Variants in FRMD5 observed in about 807,000 individuals in gnomAD.
FRMD5 encodes the protein FERM domain-containing protein 5.
Under a neutral mutation model 69.0 loss-of-function variants are expected in FRMD5, and 20 were observed. The ratio of observed to expected loss-of-function variants is 0.29; its 90% CI spans 0.20 to 0.42. The LOEUF (loss-of-function observed/expected upper bound fraction) is 0.42, where lower values mean the gene tolerates loss of function less well. Among genes scored for constraint, FRMD5 ranks in the 10% least tolerant of loss-of-function variants. The pLI, the probability that FRMD5 is intolerant of heterozygous loss-of-function variation, is 1.00. For missense variants in FRMD5, 595 were observed against 708.6 expected (o/e 0.84, Z 1.82); for synonymous variants, 271 against 260.1 (o/e 1.04, Z -0.40).
At chr15:43,992,241 T>C (rs1459928587) in intron 1 of FRMD5, among the ~76,000 whole-genome samples, 3 of 152,228 alleles carry the variant, frequency 2.0e-5, no homozygotes, top group Non-Finnish European at 4.4e-5. Flanking sequence ...CGTGGAGTTT[T>C]AGACTTGAGA....
chr15:43,968,039 GA>G (rs199861321), intron 1 of FRMD5, among the ~76,000 whole-genome samples: 4,687 of 124,424 alleles, frequency 0.038, 173 homozygotes, highest in African/African-American at 0.11. Flanking sequence ...ACACTGATCT[GA>G]AAAAAAAAAA....
intron 1 of FRMD5, among the ~76,000 whole-genome samples, chr15:44,033,718 G>T (rs1172276023): frequency 6.6e-6 from 1 of 152,078 alleles, no homozygotes; most frequent in Non-Finnish European, 1.5e-5. Flanking sequence ...TAAAATCATG[G>T]GCATAAACAT....
At chr15:43,943,948 GC>G (rs978666959) in intron 1 of FRMD5, among the ~76,000 whole-genome samples, 3 of 152,114 alleles carry the variant, frequency 2.0e-5, no homozygotes, top group Non-Finnish European at 4.4e-5. Flanking sequence ...ACCAAATCTG[GC>G]CATTGTGACC....
intron 1 of FRMD5, among the ~76,000 whole-genome samples, chr15:44,128,056 G>C (rs575359577): frequency 2.0e-5 from 3 of 151,934 alleles, no homozygotes; most frequent in Non-Finnish European, 2.9e-5. Flanking sequence ...GTAAAATTTC[G>C]CCCCCACCGT....
At chr15:43,938,725 A>G (rs1270144615) in intron 1 of FRMD5, among the ~76,000 whole-genome samples, 1 of 152,252 alleles carries the variant, frequency 6.6e-6, no homozygotes, top group Non-Finnish European at 1.5e-5. Context: ...AAAGAGGGAA[A>G]GCCTCAAAAT....
At chr15:43,892,183 G>T in intron 7 of FRMD5, 114 bp from the exon 8 acceptor site, 1 of 864,672 alleles carries the variant, frequency 1.2e-6, no homozygotes, top group Non-Finnish European at 1.9e-6. Context: ...GTCACAGAGG[G>T]AAAAGCATAT....
chr15:44,000,508 G>A (rs998645210), intron 1 of FRMD5, among the ~76,000 whole-genome samples: 2 of 150,860 alleles, frequency 1.3e-5, no homozygotes, highest in African/African-American at 4.9e-5. Context: ...CCCCCAGGCT[G>A]GAGTGCAGTG....
chr15:43,993,393 C>T (rs764104164), intron 1 of FRMD5, among the ~76,000 whole-genome samples: 8 of 152,160 alleles, frequency 5.3e-5, no homozygotes, highest in Non-Finnish European at 7.4e-5. Flanking sequence ...CAAGGTTTCA[C>T]CTTGTTGGCC....
intron 1 of FRMD5, among the ~76,000 whole-genome samples, chr15:43,942,427 T>A (rs956023345): frequency 6.6e-6 from 1 of 152,226 alleles, no homozygotes; most frequent in African/African-American, 2.4e-5. Flanking sequence ...AGCTTGCTTT[T>A]CAGAGTCTAT....
At chr15:43,909,198 C>T (rs572656577) in intron 5 of FRMD5, among the ~76,000 whole-genome samples, 1 of 151,972 alleles carries the variant, frequency 6.6e-6, no homozygotes, top group East Asian at 2.0e-4. Flanking sequence ...GGTTCGAGAC[C>T]AGCCTGGCCA....
chr15:44,173,285 G>A (rs1398538147), intron 1 of FRMD5, among the ~76,000 whole-genome samples: 1 of 152,070 alleles, frequency 6.6e-6, no homozygotes, highest in African/African-American at 2.4e-5. Flanking sequence ...TTTAGCCAGG[G>A]TTGTTAGGCT....
intron 11 of FRMD5, 53 bp downstream of exon 11, chr15:43,885,628 C>T: frequency 6.8e-7 from 1 of 1,479,496 alleles, no homozygotes; most frequent in Admixed American, 1.7e-5. Context: ...CTGAGTTCTC[C>T]AGAGAAGGGT....
chr15:44,165,985 T>C (rs2077702958), intron 1 of FRMD5, among the ~76,000 whole-genome samples: 1 of 152,182 alleles, frequency 6.6e-6, no homozygotes, highest in Non-Finnish European at 1.5e-5. Flanking sequence ...GGTATAAAAA[T>C]TATTTTCTTC....
At chr15:43,956,494 AC>A (rs2090117944) in intron 1 of FRMD5, among the ~76,000 whole-genome samples, 1 of 152,264 alleles carries the variant, frequency 6.6e-6, no homozygotes, top group African/African-American at 2.4e-5. Flanking sequence ...ATGTGAGACG[AC>A]TTTTTTTTTG....
At chr15:44,057,186 A>G (rs1211475381) in intron 1 of FRMD5, among the ~76,000 whole-genome samples, 1 of 150,518 alleles carries the variant, frequency 6.6e-6, no homozygotes, top group African/African-American at 2.5e-5. Context: ...GTGCAGTGAC[A>G]CGATCTCGGC....
intron 1 of FRMD5, among the ~76,000 whole-genome samples, chr15:44,160,264 G>A (rs1325522739): frequency 2.0e-5 from 3 of 152,230 alleles, no homozygotes; most frequent in Non-Finnish European, 4.4e-5. Context: ...GCTGAGGCAG[G>A]AGAATCACTT....
At chr15:44,188,404 C>T (rs749338166) in intron 1 of FRMD5, among the ~76,000 whole-genome samples, 2 of 152,188 alleles carry the variant, frequency 1.3e-5, no homozygotes, top group Admixed American at 6.5e-5. Flanking sequence ...TCACATTTTA[C>T]ATCCAGTCAA....
chr15:44,072,963 C>G (rs1893604902), intron 1 of FRMD5, among the ~76,000 whole-genome samples: 1 of 152,096 alleles, frequency 6.6e-6, no homozygotes, highest in Non-Finnish European at 1.5e-5. Flanking sequence ...GACCCCATCT[C>G]AATTTTTAAA....
intron 1 of FRMD5, among the ~76,000 whole-genome samples, chr15:44,084,396 G>A (rs529093084): frequency 9.2e-5 from 14 of 152,122 alleles, no homozygotes; most frequent in African/African-American, 3.1e-4. Context: ...CCCACTACCA[G>A]TCATCTTGCT....
Sources: allele counts gnomAD v4.1 joint callset (sites outside exome capture counted in the v4.1 genomes callset), GRCh38; gene constraint gnomAD v4.1.1; transcripts MANE v1.5; gene names NCBI Gene and HGNC (gene_info 2026-07-23, HGNC 2026-07-21).